The following AGMO variants were observed in gnomAD, a reference collection of about 807,000 sequenced individuals.
AGMO encodes glyceryl-ether monooxygenase.
In AGMO, 75 loss-of-function variants were observed where a neutral mutation model predicts 60.2. The ratio of observed to expected loss-of-function variants is 1.25; its 90% CI spans 1.03 to 1.51. The LOEUF (loss-of-function observed/expected upper bound fraction) is 1.51. AGMO is among the 40% of genes most tolerant of loss of function. AGMO has a pLI of 0.00. For synonymous variants in AGMO, 261 were observed against 177.1 expected (o/e 1.47, Z -3.76); for missense variants, 763 against 525.5 (o/e 1.45, Z -4.42).
chr7:15,460,601 A>C (rs1181259268), intron 3 of AGMO, among the ~76,000 whole-genome samples: 1 of 152,092 alleles, frequency 6.6e-6, no homozygotes, highest in Admixed American at 6.6e-5. Flanking sequence ...AATTTTAATA[A>C]GATATTAATG....
chr7:15,405,572 C>G (rs1192266109), intron 5 of AGMO, among the ~76,000 whole-genome samples: 2 of 151,890 alleles, frequency 1.3e-5, no homozygotes, highest in Non-Finnish European at 2.9e-5. Context: ...CTAGTTCGGA[C>G]TTTATGAACC....
intron 3 of AGMO, among the ~76,000 whole-genome samples, chr7:15,442,792 A>G (rs1186226073): frequency 1.3e-5 from 2 of 152,090 alleles, no homozygotes; most frequent in Non-Finnish European, 2.9e-5. Flanking sequence ...CCTGTGCCTA[A>G]AAAAACCTGA....
chr7:15,317,882 C>T (rs13225095), intron 12 of AGMO, among the ~76,000 whole-genome samples: 9 of 148,062 alleles, frequency 6.1e-5, no homozygotes, highest in Admixed American at 4.1e-4. Context: ...TATATATATA[C>T]ACACGTATAT....
chr7:15,329,173 C>T (rs138376093), intron 12 of AGMO, among the ~76,000 whole-genome samples: 1,855 of 152,280 alleles, frequency 0.012, 121 homozygotes, highest in Admixed American at 0.11. Context: ...TCTTTCTCTA[C>T]TGGAACGTAA....
chr7:15,521,135 G>A (rs924297558), intron 3 of AGMO, among the ~76,000 whole-genome samples: 3 of 152,078 alleles, frequency 2.0e-5, no homozygotes, highest in Admixed American at 6.5e-5. Context: ...ACCCTCCCAA[G>A]ACTAAACCAA....
At chr7:15,192,742 G>A in the AGMO span, among the ~76,000 whole-genome samples, 1 of 152,048 alleles carries the variant, frequency 6.6e-6, no homozygotes, top group Non-Finnish European at 1.5e-5. Context: ...GCCCAAAAGT[G>A]CCCGCCCTGG....
chr7:15,399,171 G>C (rs1784485207), intron 5 of AGMO, among the ~76,000 whole-genome samples: 1 of 152,018 alleles, frequency 6.6e-6, no homozygotes, highest in South Asian at 2.1e-4. Context: ...TTTTTTCTCG[G>C]TCTTACAACT....
chr7:15,549,316 A>G (rs1275994739), intron 2 of AGMO, among the ~76,000 whole-genome samples: 2 of 151,092 alleles, frequency 1.3e-5, no homozygotes, highest in African/African-American at 4.9e-5. Context: ...ACACATAACA[A>G]TATTAACTTT....
At chr7:15,332,281 C>T (rs1781521893) in intron 12 of AGMO, among the ~76,000 whole-genome samples, 1 of 152,132 alleles carries the variant, frequency 6.6e-6, no homozygotes. Flanking sequence ...GACTCCCCTC[C>T]CTGTTGTTAG....
chr7:15,207,079 T>C (rs993477304), intron 12 of AGMO, among the ~76,000 whole-genome samples: 2 of 152,224 alleles, frequency 1.3e-5, no homozygotes, highest in Admixed American at 6.5e-5. Context: ...AAGAGAAGCC[T>C]ATGGTTCATC....
chr7:15,416,315 T>C (rs1780768277), intron 5 of AGMO, among the ~76,000 whole-genome samples: 2 of 152,250 alleles, frequency 1.3e-5, no homozygotes, highest in East Asian at 3.9e-4. Context: ...ATTACAGACA[T>C]GAGCTTCTGT....
At chr7:15,495,620 G>C (rs11980017) in intron 3 of AGMO, among the ~76,000 whole-genome samples, 8 of 152,114 alleles carry the variant, frequency 5.3e-5, no homozygotes, top group African/African-American at 1.9e-4. Flanking sequence ...AGTCTGCTCA[G>C]GCTGCTGTAA....
intron 10 of AGMO, among the ~76,000 whole-genome samples, chr7:15,369,261 G>GC (rs986285110): frequency 1.5e-4 from 23 of 151,986 alleles, no homozygotes; most frequent in African/African-American, 4.6e-4. Context: ...ACCTACCACA[G>GC]CCCCCAACCC....
In AGMO at chr7:15,352,450, T is replaced by G. The variant is rs866275527; in HGVS notation, c.1263+13064A>C. Reference sequence around the variant, plus strand: ...TTCTAATTGATTCCAGAAGTATGTTTTTTTTTTTTTTTCCTTAGATCAGGG... The same window carrying G: ...TTCTAATTGATTCCAGAAGTATGTTGTTTTTTTTTTTTCCTTAGATCAGGG... On this transcript the variant is annotated intron_variant, in intron 12 of 12. Coordinates refer to ENST00000342526, the MANE Select transcript of AGMO (RefSeq NM_001004320.2). Among the ~76,000 whole-genome samples the G allele has an allele frequency of 2.6e-5, 4 of 151,872 alleles. No homozygotes were observed. In the South Asian group the frequency reaches 6.3e-4, roughly 24 times the overall value.
intron 12 of AGMO, among the ~76,000 whole-genome samples, chr7:15,326,199 T>C (rs1475177519): frequency 6.6e-6 from 1 of 152,140 alleles, no homozygotes; most frequent in South Asian, 2.1e-4. Context: ...AGGAAAATGA[T>C]AAAACTTACA....
intron 10 of AGMO, among the ~76,000 whole-genome samples, chr7:15,371,619 A>G (rs1783219333): frequency 6.6e-6 from 1 of 152,096 alleles, no homozygotes; most frequent in South Asian, 2.1e-4. Context: ...CTTGGTCTCG[A>G]ACTCCTGACC....
intron 10 of AGMO, among the ~76,000 whole-genome samples, chr7:15,367,014 T>A (rs1405434411): frequency 6.6e-6 from 1 of 152,068 alleles, no homozygotes; most frequent in Non-Finnish European, 1.5e-5. Flanking sequence ...TTTAAGTACA[T>A]GTACGGCAGT....
chr7:15,120,076 A>T, the AGMO span, among the ~76,000 whole-genome samples: 3 of 152,010 alleles, frequency 2.0e-5, no homozygotes, highest in African/African-American at 7.2e-5. Context: ...TTTTCCGTTG[A>T]CATAGACAGT....
At chr7:15,340,519 T>C (rs1330937105) in intron 12 of AGMO, among the ~76,000 whole-genome samples, 1 of 152,108 alleles carries the variant, frequency 6.6e-6, no homozygotes, top group Non-Finnish European at 1.5e-5. Context: ...TCCAGTACCC[T>C]CCTGCTGTGT....
Sources: gnomAD v4.1 joint callset for allele counts (sites outside exome capture counted in the v4.1 genomes callset) on GRCh38, gnomAD v4.1.1 for gene constraint, MANE v1.5 for transcripts, NCBI Gene and HGNC (gene_info 2026-07-23, HGNC 2026-07-21) for gene names.